Variants in C7 observed in about 807,000 individuals in gnomAD.
C7 encodes the protein complement C7, also known as complement component C7.
Under a neutral mutation model 104.8 loss-of-function variants are expected in C7, and 83 were observed. The observed-to-expected ratio is 0.79, with a 90% confidence interval of 0.66 to 0.95. C7 has a LOEUF of 0.95. Among genes scored for constraint, C7 ranks in the 40% least tolerant of loss-of-function variants. The pLI is 0.00. For synonymous variants in C7, 415 were observed against 360.6 expected, an observed-to-expected ratio of 1.15 and a Z score of -1.71; for missense variants, 1,070 against 1,011.2, an observed-to-expected ratio of 1.06 and a Z score of -0.79.
At chr5:40,919,077 G>A (rs1739386832) in intron 1 of C7, among the ~76,000 whole-genome samples, 1 of 150,888 alleles carries the variant, frequency 6.6e-6, no homozygotes, top group South Asian at 2.1e-4. Context: ...ATTTTAGGGG[G>A]AAAAACAAGC....
At chr5:40,966,793 C>T (rs1447031479) in intron 14 of C7, among the ~76,000 whole-genome samples, 3 of 152,024 alleles carry the variant, frequency 2.0e-5, no homozygotes, top group East Asian at 1.9e-4. Flanking sequence ...AGTATTCTAT[C>T]GTATATATAT....
At position 40,964,830 on chromosome 5, in the gene C7, TGGA is replaced by T. The variant is rs1404295833; in HGVS notation, c.1841_1843del (p.Gly614del). The T allele has an allele frequency of 2.5e-5, 41 of 1,613,716 alleles. No individual in the cohort carries two copies. The highest frequency in any genetic ancestry group is 3.5e-5 in the Non-Finnish European group (41 of 1,179,776). ...TTATTGGAAACCCAGTGGCCAGATG[TGGA>T]GAAGATTTACGGTGGCTTGTTGGGG... On this transcript the variant is annotated inframe_deletion, in exon 14 of 18. Coordinates refer to ENST00000313164, the MANE Select transcript of C7 (RefSeq NM_000587.4).
At position 40,967,995 on chromosome 5, in the gene C7, G is replaced by A. The variant is rs965867859; in HGVS notation, c.1882+3122G>A. On this transcript the variant is annotated intron_variant, in intron 14 of 17. Coordinates refer to ENST00000313164, the MANE Select transcript of C7 (RefSeq NM_000587.4). ...CTTGACCATTATGTCCTAAAACATT[G>A]CTTCTGTCCCATTCTTCCTCACTTG... Among the ~76,000 whole-genome samples, 14 of 151,990 alleles carry A rather than the reference G, an allele frequency of 9.2e-5. 1 individual carries two copies. Among genetic ancestry groups the A allele is most frequent in the Admixed American group, 7.2e-4 (11 of 15,262 alleles).
At chr5:40,943,166 G>A (rs2111617047) in intron 6 of C7, among the ~76,000 whole-genome samples, 1 of 152,326 alleles carries the variant, frequency 6.6e-6, no homozygotes, top group South Asian at 2.1e-4. Context: ...GAAGTCATGA[G>A]CCAAGAAGCC....
intron 15 of C7, 131 bp downstream of exon 15, chr5:40,972,725 C>A: frequency 2.9e-6 from 2 of 687,838 alleles, no homozygotes; most frequent in South Asian, 2.7e-5. Context: ...AAGATAGGGT[C>A]AGTTTGTAGA....
intron 16 of C7, among the ~76,000 whole-genome samples, chr5:40,978,686 G>A (rs1319417707): frequency 2.0e-5 from 3 of 152,116 alleles, no homozygotes; most frequent in South Asian, 4.2e-4. Flanking sequence ...TGTGAATATA[G>A]ACTCTTTCTG....
intron 7 of C7, 128 bp from the exon 8 acceptor site, chr5:40,947,474 A>G (rs1740074204): frequency 9.5e-7 from 1 of 1,057,330 alleles, no homozygotes; most frequent in Non-Finnish European, 1.4e-6. Context: ...TCATGCGTCA[A>G]AAATAAAAAT....
intron 2 of C7, 108 bp downstream of exon 2, chr5:40,928,743 C>A (rs1739610534): frequency 1.7e-6 from 1 of 582,830 alleles, no homozygotes; most frequent in East Asian, 3.1e-5. Context: ...ATCCCTCCAA[C>A]ATATTTTCTC....
In C7 at chr5:40,945,156, G is replaced by A. The variant is rs368734990; in HGVS notation, c.568-42G>A. The A allele has an allele frequency of 2.8e-6, 3 of 1,065,026 alleles. No individual in the cohort carries two copies. The African/African-American group carries it at 4.9e-5, about 17-fold the overall frequency. The allele number at this position is 1,065,026 out of a possible 1,614,324, so 66.0% of individuals were successfully genotyped here. A position where few individuals can be genotyped will look rare whatever the true frequency, so the allele number is the denominator to read the frequency against. On this transcript the variant is annotated intron_variant, in intron 6 of 17. Coordinates refer to ENST00000313164, the MANE Select transcript of C7 (RefSeq NM_000587.4). ...GAAAGTATGCATGATAAAGGATCCAGCATTAATTTAGTCATAGCAAAATTT... is the reference window on the plus strand; with the variant it reads ...GAAAGTATGCATGATAAAGGATCCAACATTAATTTAGTCATAGCAAAATTT...
rs121964920 is a variant in C7 at position 40,959,520 on chromosome 5, C to A, written c.1561C>A (p.Arg521Ser). The A allele has an allele frequency of 3.1e-3, 5,018 of 1,611,512 alleles. 16 individuals carry two copies. The highest frequency in any genetic ancestry group is 3.8e-3 in the Non-Finnish European group (4,532 of 1,179,298). Residue 521 changes from arginine to serine, a missense_variant, in exon 12 of 18, where the codon CGT (arginine) becomes AGT (serine). Arg to Ser is a moderately radical substitution (Grantham distance 110). Coordinates refer to ENST00000313164, the MANE Select transcript of C7 (RefSeq NM_000587.4). ...TGTCCAAGGGAAGAAAACAAGAAGC[C>A]GTGAATGCAATAACCCACCTCCCAG... ...PCVQGKKTRS[R>S]ECNNPPPSGG...
At chr5:40,915,546 C>T (rs1476162391) in intron 1 of C7, among the ~76,000 whole-genome samples, 2 of 149,930 alleles carry the variant, frequency 1.3e-5, no homozygotes, top group Admixed American at 6.6e-5. Context: ...TGAGCTGACA[C>T]AGCACGGAGG....
At chr5:40,978,464 T>C (rs1740867019) in intron 16 of C7, among the ~76,000 whole-genome samples, 1 of 152,218 alleles carries the variant, frequency 6.6e-6, no homozygotes, top group Non-Finnish European at 1.5e-5. Flanking sequence ...ATGGTATACA[T>C]TTCCATGTCA....
intron 1 of C7, among the ~76,000 whole-genome samples, chr5:40,919,415 A>G (rs1361006347): frequency 1.3e-5 from 2 of 152,094 alleles, no homozygotes; most frequent in Non-Finnish European, 2.9e-5. Context: ...GTGAGCCACC[A>G]CAACTGGCCT....
chr5:40,921,897 G>T (rs1237720516), intron 1 of C7, among the ~76,000 whole-genome samples: 1 of 151,352 alleles, frequency 6.6e-6, no homozygotes, highest in African/African-American at 2.4e-5. Flanking sequence ...AATCAGCCAG[G>T]CGTGGTGGTG....
At chr5:40,967,791 G>T in intron 14 of C7, 1 of 158,804 alleles carries the variant, frequency 6.3e-6, no homozygotes, top group Non-Finnish European at 1.4e-5. Flanking sequence ...TGCGTTTGTG[G>T]CTTGACAGAG....
Position 40,955,411 on chromosome 5 carries a change from G to A in C7, c.1118G>A (p.Gly373Glu), listed in dbSNP as rs923094633. 6.2e-7 allele frequency: 1 copy of A among 1,610,394 alleles called. No homozygotes were observed. The highest frequency in any genetic ancestry group is 1.3e-5 in the African/African-American group (1 of 74,722). The change falls in exon 10 of 18, where the codon GGA becomes GAA. Residue 373 changes from glycine to glutamate, a missense_variant. By Grantham distance (98) the Gly-to-Glu change is moderately conservative. Coordinates refer to ENST00000313164, the MANE Select transcript of C7 (RefSeq NM_000587.4). ...ASGTQNNVLRGEPFIRGGGAG... is the reference protein window; with the variant it reads ...ASGTQNNVLREEPFIRGGGAG... ...GGAACCCAGAACAATGTATTGCGAG[G>A]AGAACCGTTCATCAGAGGGGGAGGT... is the stretch of plus-strand genomic sequence containing the variant.
At chr5:40,931,211 A>C in intron 3 of C7, 72 bp downstream of exon 3, 1 of 1,090,674 alleles carries the variant, frequency 9.2e-7, no homozygotes, top group South Asian at 1.3e-5. Context: ...AATGGTATTA[A>C]CTTTTGAATG....
At chr5:40,969,929 AT>A (rs1276040871) in intron 14 of C7, among the ~76,000 whole-genome samples, 1 of 151,742 alleles carries the variant, frequency 6.6e-6, no homozygotes, top group Non-Finnish European at 1.5e-5. Flanking sequence ...TTTCCTTTTA[AT>A]TTTGTACAGT....
chr5:40,953,775 T>C (rs1428054510), intron 9 of C7, among the ~76,000 whole-genome samples: 2 of 64,536 alleles, frequency 3.1e-5, no homozygotes, highest in Non-Finnish European at 4.1e-5. Context: ...AAACAAATGG[T>C]AAGGTGATGG....
Sources: gnomAD v4.1 joint callset for allele counts (sites outside exome capture counted in the v4.1 genomes callset) on GRCh38, gnomAD v4.1.1 for gene constraint, MANE v1.5 for transcripts, NCBI Gene and HGNC (gene_info 2026-07-23, HGNC 2026-07-21) for gene names.